Variants in NME7 observed in about 807,000 individuals in gnomAD.
NME7 encodes the protein NME/NM23 family member 7.
In NME7, 41 loss-of-function variants were observed where a neutral mutation model predicts 49.1. The observed-to-expected ratio is 0.83, with a 90% CI of 0.65 to 1.08. NME7 has a LOEUF of 1.08. NME7 is among the 50% of genes least tolerant of loss of function. The probability of loss-of-function intolerance (pLI) is 0.00; values close to 1 mark genes in which losing one functional copy is unlikely to be tolerated. For missense variants in NME7, 423 were observed against 463.4 expected (o/e 0.91, Z 0.80); for synonymous variants, 139 against 150.6 (o/e 0.92, Z 0.56).
chr1:169,306,195 G>A (rs1463187731), intron 4 of NME7, among the ~76,000 whole-genome samples: 4 of 152,164 alleles, frequency 2.6e-5, no homozygotes, highest in African/African-American at 9.7e-5. Context: ...AGATGACTAA[G>A]AGTCTTGTAT....
intron 1 of NME7, among the ~76,000 whole-genome samples, chr1:169,341,146 A>G (rs758223926): frequency 1.3e-5 from 2 of 152,094 alleles, no homozygotes; most frequent in Non-Finnish European, 2.9e-5. Context: ...AGGAGAGAAA[A>G]ATGGTTTTGT....
intron 1 of NME7, among the ~76,000 whole-genome samples, chr1:169,334,758 C>T (rs898798104): frequency 6.6e-6 from 1 of 152,096 alleles, no homozygotes; most frequent in Non-Finnish European, 1.5e-5. Context: ...GCAAAAGAAA[C>T]TATCATCAGA....
intron 11 of NME7, among the ~76,000 whole-genome samples, chr1:169,166,926 T>C (rs12144705): frequency 0.37 from 56,443 of 152,118 alleles, 11,047 homozygotes; most frequent in East Asian, 0.73. Context: ...GAGCCGAGAT[T>C]GTGCCACTGC....
chr1:169,158,562 C>A (rs758850375), intron 11 of NME7, among the ~76,000 whole-genome samples: 14 of 151,982 alleles, frequency 9.2e-5, no homozygotes, highest in Non-Finnish European at 1.8e-4. Context: ...TCATACCAGA[C>A]CTCCTTAACC....
intron 5 of NME7, among the ~76,000 whole-genome samples, chr1:169,301,007 T>C (rs1650914716): frequency 6.6e-6 from 1 of 152,144 alleles, no homozygotes; most frequent in African/African-American, 2.4e-5. Flanking sequence ...GGAAACACCA[T>C]TCTGGACATT....
chr1:169,151,640 C>G (rs1658918734), intron 11 of NME7, among the ~76,000 whole-genome samples: 1 of 152,224 alleles, frequency 6.6e-6, no homozygotes, highest in South Asian at 2.1e-4. Context: ...GACCCACTGA[C>G]TGCCAGAGTG....
chr1:169,175,729 G>A (rs1342239108), intron 10 of NME7, among the ~76,000 whole-genome samples: 1 of 141,208 alleles, frequency 7.1e-6, no homozygotes, highest in Non-Finnish European at 1.6e-5. Context: ...GAAAATCTAA[G>A]TACAAGGAAA....
intron 1 of NME7, among the ~76,000 whole-genome samples, chr1:169,362,840 G>A (rs539045961): frequency 7.2e-5 from 11 of 152,244 alleles, no homozygotes; most frequent in African/African-American, 2.2e-4. Flanking sequence ...TTAGGCTTTC[G>A]TTAATTCAAA....
At chr1:169,300,083 T>C (rs1307248439) in intron 5 of NME7, among the ~76,000 whole-genome samples, 1 of 152,182 alleles carries the variant, frequency 6.6e-6, no homozygotes, top group East Asian at 1.9e-4. Context: ...TGCCTGATCA[T>C]AGATACTGCT....
In NME7 at chr1:169,211,689, G is replaced by T. The variant is rs36040633; in HGVS notation, c.990+19029C>A. On this transcript the variant is annotated intron_variant, in intron 10 of 11. Coordinates refer to ENST00000367811, the MANE Select transcript of NME7 (RefSeq NM_013330.5). ...GTTGAGAGCAACAATGTGAAGATTT[G>T]AATCCCAGTTATGATACTTAATGGC... Among the ~76,000 whole-genome samples the T allele has an allele frequency of 0.052, 7,970 of 152,108 alleles. 1,369 individuals carry two copies. In the East Asian group the frequency reaches 0.66, roughly 13 times the overall value.
At chr1:169,315,470 T>C (rs532161177) in intron 3 of NME7, among the ~76,000 whole-genome samples, 105 of 152,168 alleles carry the variant, frequency 6.9e-4, no homozygotes, top group Admixed American at 5.6e-3. Context: ...TTCACCACAT[T>C]GGCCAGGCTG....
chr1:169,188,155 C>A (rs970996510), intron 10 of NME7, among the ~76,000 whole-genome samples: 1 of 152,086 alleles, frequency 6.6e-6, no homozygotes, highest in African/African-American at 2.4e-5. Flanking sequence ...GGTAACCCGA[C>A]CTTTCTCTCT....
intron 10 of NME7, among the ~76,000 whole-genome samples, chr1:169,193,384 T>C (rs1660289599): frequency 6.6e-6 from 1 of 152,172 alleles, no homozygotes; most frequent in Non-Finnish European, 1.5e-5. Flanking sequence ...GAGAACACCA[T>C]GGCTCAGTAC....
At chr1:169,310,180 TC>T (rs1651331895) in intron 3 of NME7, 100 bp from the exon 4 acceptor site, 3 of 717,226 alleles carry the variant, frequency 4.2e-6, no homozygotes. Context: ...TCCTAGATCA[TC>T]AAAATTTGAA....
chr1:169,309,233 C>T (rs1476371396), intron 4 of NME7, among the ~76,000 whole-genome samples: 1 of 151,918 alleles, frequency 6.6e-6, no homozygotes, highest in Non-Finnish European at 1.5e-5. Context: ...CTTTTTGTTG[C>T]CTGGTGTAAT....
intron 1 of NME7, among the ~76,000 whole-genome samples, chr1:169,336,195 T>G (rs1199929597): frequency 6.6e-6 from 1 of 151,904 alleles, no homozygotes; most frequent in East Asian, 1.9e-4. Flanking sequence ...GGGCTCGTGG[T>G]CTCGCTGGGC....
chr1:169,179,817 G>A (rs1032716971), intron 10 of NME7, among the ~76,000 whole-genome samples: 1 of 152,158 alleles, frequency 6.6e-6, no homozygotes, highest in Non-Finnish European at 1.5e-5. Context: ...CCTGTCAGAG[G>A]ACCAGGGGTG....
At chr1:169,252,972 G>T (rs1648703008) in intron 7 of NME7, among the ~76,000 whole-genome samples, 1 of 149,586 alleles carries the variant, frequency 6.7e-6, no homozygotes, top group South Asian at 2.1e-4. Flanking sequence ...TAGCCTTGTA[G>T]TATAGTTTGA....
chr1:169,226,041 A>G (rs1201461446), intron 10 of NME7, among the ~76,000 whole-genome samples: 1 of 152,202 alleles, frequency 6.6e-6, no homozygotes, highest in Non-Finnish European at 1.5e-5. Flanking sequence ...TAATATAGCC[A>G]GTTTATTCAT....
Sources: gnomAD v4.1 joint callset for allele counts (sites outside exome capture counted in the v4.1 genomes callset) on GRCh38, gnomAD v4.1.1 for gene constraint, MANE v1.5 for transcripts, NCBI Gene and HGNC (gene_info 2026-07-23, HGNC 2026-07-21) for gene names.